NEDD4L: variants seen among roughly 807,000 people sequenced by gnomAD.
NEDD4L encodes E3 ubiquitin-protein ligase NEDD4-like.
Under a neutral mutation model 148.9 loss-of-function variants are expected in NEDD4L, and 54 were observed. The observed-to-expected ratio is 0.36, with a 90% CI of 0.29 to 0.45. NEDD4L has a LOEUF of 0.45. NEDD4L is among the 20% of genes least tolerant of loss of function. The pLI is 1.00. For synonymous variants in NEDD4L, 433 were observed against 440.7 expected (o/e 0.98, Z 0.22); for missense variants, 856 against 1,233.8 (o/e 0.69, Z 4.59).
In NEDD4L at chr18:58,082,202, G is replaced by T. The variant is rs572917516; in HGVS notation, c.48+37494G>T. Among the ~76,000 whole-genome samples, 36 of 143,996 alleles carry T rather than the reference G, an allele frequency of 2.5e-4. No individual in the cohort carries two copies. The South Asian group carries it at 7.9e-3, about 32-fold the overall frequency. The allele number at this position is 143,996 out of a possible 152,430, so 94.5% of individuals were successfully genotyped here. A position where few individuals can be genotyped will look rare whatever the true frequency, so the allele number is the denominator to read the frequency against. On this transcript the variant is annotated intron_variant, in intron 1 of 30. Transcript: ENST00000400345. ...AGCTCACTTCAACCCCTGCCTCCCGGGTTCAAGCAATTCTCCTGCCTCAGC... is the reference window on the plus strand; with the variant it reads ...AGCTCACTTCAACCCCTGCCTCCCGTGTTCAAGCAATTCTCCTGCCTCAGC...
At chr18:58,051,495 A>G (rs112908454) in intron 1 of NEDD4L, among the ~76,000 whole-genome samples, 4 of 152,104 alleles carry the variant, frequency 2.6e-5, no homozygotes, top group African/African-American at 7.3e-5. Flanking sequence ...GCCCATTGCT[A>G]ATTTAATAAC....
intron 5 of NEDD4L, among the ~76,000 whole-genome samples, chr18:58,290,160 C>A (rs2149098106): frequency 6.6e-6 from 1 of 152,344 alleles, no homozygotes; most frequent in Middle Eastern, 3.4e-3. Context: ...TGGCACAAAG[C>A]AGGCACCAAA....
chr18:58,368,234 T>C (rs1463146842), intron 22 of NEDD4L, among the ~76,000 whole-genome samples: 2 of 137,608 alleles, frequency 1.5e-5, no homozygotes, highest in Non-Finnish European at 3.1e-5. Flanking sequence ...CCTGTGATTA[T>C]TGCGTTTGTC....
chr18:58,182,640 C>A (rs2038990258), intron 2 of NEDD4L, among the ~76,000 whole-genome samples: 1 of 151,652 alleles, frequency 6.6e-6, no homozygotes, highest in Admixed American at 6.6e-5. Flanking sequence ...TGCCACCACA[C>A]CCAGCTAATT....
chr18:58,320,075 C>A (rs1442824757), intron 6 of NEDD4L, among the ~76,000 whole-genome samples: 2 of 152,144 alleles, frequency 1.3e-5, no homozygotes, highest in East Asian at 3.9e-4. Flanking sequence ...TGTGTGATAT[C>A]AGTCATTTAA....
At chr18:58,306,505 T>G (rs570934443) in intron 5 of NEDD4L, among the ~76,000 whole-genome samples, 102 of 152,258 alleles carry the variant, frequency 6.7e-4, no homozygotes, top group African/African-American at 2.4e-3. Flanking sequence ...TCGGGGAGCC[T>G]GTTCATGTTT....
At chr18:58,049,702 G>A (rs1202866145) in intron 1 of NEDD4L, among the ~76,000 whole-genome samples, 1 of 152,110 alleles carries the variant, frequency 6.6e-6, no homozygotes, top group South Asian at 2.1e-4. Flanking sequence ...TAGGGACCGG[G>A]TGCAGTGATC....
At chr18:58,070,116 G>C (rs2082790936) in intron 1 of NEDD4L, among the ~76,000 whole-genome samples, 1 of 152,110 alleles carries the variant, frequency 6.6e-6, no homozygotes, top group Non-Finnish European at 1.5e-5. Context: ...ACCCAACACA[G>C]GTCAGCTCAC....
intron 1 of NEDD4L, among the ~76,000 whole-genome samples, chr18:58,096,401 ATTTTAT>A (rs2084410163): frequency 9.5e-6 from 1 of 104,974 alleles, no homozygotes; most frequent in Non-Finnish European, 2.0e-5. Flanking sequence ...ATTTTATTTT[ATTTTAT>A]TTTATTTTAT....
chr18:58,248,821 A>G (rs2047579846), intron 3 of NEDD4L, 78 bp from the exon 4 acceptor site: 1 of 723,578 alleles, frequency 1.4e-6, no homozygotes. Context: ...TGTTTAAGCA[A>G]ATATGTAGAC....
chr18:58,161,647 T>C (rs910512207), intron 1 of NEDD4L, among the ~76,000 whole-genome samples: 1 of 152,208 alleles, frequency 6.6e-6, no homozygotes, highest in South Asian at 2.1e-4. Flanking sequence ...TAGACTGCTA[T>C]AACAACTTTT....
chr18:58,326,398 T>C (rs926374969), intron 9 of NEDD4L, among the ~76,000 whole-genome samples: 1 of 152,250 alleles, frequency 6.6e-6, no homozygotes, highest in Admixed American at 6.5e-5. Flanking sequence ...CTGAACTATC[T>C]TTTGTTAAAG....
At chr18:58,069,944 C>T (rs1032769888) in intron 1 of NEDD4L, among the ~76,000 whole-genome samples, 1 of 152,206 alleles carries the variant, frequency 6.6e-6, no homozygotes, top group Admixed American at 6.5e-5. Context: ...AAACCAGCAG[C>T]CTCACAGCCA....
intron 5 of NEDD4L, among the ~76,000 whole-genome samples, chr18:58,267,958 T>G (rs2050457450): frequency 6.6e-6 from 1 of 152,072 alleles, no homozygotes; most frequent in African/African-American, 2.4e-5. Flanking sequence ...CCCTCAGTTT[T>G]GGAGGTCGTC....
intron 2 of NEDD4L, among the ~76,000 whole-genome samples, chr18:58,229,718 G>A (rs2044845592): frequency 6.6e-6 from 1 of 152,130 alleles, no homozygotes; most frequent in African/African-American, 2.4e-5. Context: ...TCGGCTGGGC[G>A]CGGTGGCTCA....
chr18:58,220,440 G>C (rs1194667832), intron 2 of NEDD4L, among the ~76,000 whole-genome samples: 1 of 150,856 alleles, frequency 6.6e-6, no homozygotes, highest in South Asian at 2.1e-4. Flanking sequence ...CTGTCCCCCT[G>C]TCTCCAGGAG....
intron 2 of NEDD4L, among the ~76,000 whole-genome samples, chr18:58,182,571 A>G (rs1183679587): frequency 1.5e-5 from 2 of 134,506 alleles, no homozygotes; most frequent in African/African-American, 5.8e-5. Flanking sequence ...TGGAGTGCAG[A>G]GGCGCAACCT....
At chr18:58,271,615 C>T (rs2051051926) in intron 5 of NEDD4L, among the ~76,000 whole-genome samples, 1 of 152,132 alleles carries the variant, frequency 6.6e-6, no homozygotes, top group African/African-American at 2.4e-5. Flanking sequence ...TAACCTTTTC[C>T]AAGAAGCTTA....
At chr18:58,365,278 T>C (rs1219715508) in intron 20 of NEDD4L, among the ~76,000 whole-genome samples, 4 of 152,232 alleles carry the variant, frequency 2.6e-5, no homozygotes, top group Admixed American at 2.6e-4. Flanking sequence ...TTGTGAGTCA[T>C]GTCCCCTGGT....
Sources: gnomAD v4.1 joint callset for allele counts (sites outside exome capture counted in the v4.1 genomes callset) on GRCh38, gnomAD v4.1.1 for gene constraint, MANE v1.5 for transcripts, NCBI Gene and HGNC (gene_info 2026-07-23, HGNC 2026-07-21) for gene names.